ATRN: variants seen among roughly 807,000 people sequenced by gnomAD.
ATRN encodes attractin.
ATRN carries 54 observed loss-of-function variants against 178.7 expected under a neutral mutation model. That is an observed-to-expected ratio of 0.30 (90% CI 0.24 to 0.38). The LOEUF is 0.38. Ranked by LOEUF, ATRN falls within the 10% of genes least tolerant of loss-of-function variation. The pLI, the probability that ATRN is intolerant of heterozygous loss-of-function variation, is 1.00. For missense variants in ATRN, 1,443 were observed against 1,815.1 expected (o/e 0.79, Z 3.73); for synonymous variants, 636 against 663.0 (o/e 0.96, Z 0.63).
At chr20:3,547,986 C>A (rs2085733074) in intron 5 of ATRN, among the ~76,000 whole-genome samples, 1 of 152,130 alleles carries the variant, frequency 6.6e-6, no homozygotes, top group Non-Finnish European at 1.5e-5. Flanking sequence ...AAACTTACCC[C>A]TTCCTCAGAA....
rs533551335 is a variant in ATRN, at chr20:3,598,572, A to G, written c.3564+572A>G. On this transcript the variant is annotated intron_variant, in intron 22 of 28. Transcript: ENST00000262919. ...AATAATTTAAATTGTTAAAATATGTATGTAAAATGTGGATTTTTTTATCTG... is the reference window on the plus strand; with the variant it reads ...AATAATTTAAATTGTTAAAATATGTGTGTAAAATGTGGATTTTTTTATCTG... Among the ~76,000 whole-genome samples the G allele has an allele frequency of 2.5e-3, 387 of 152,364 alleles. 1 individual carries two copies. The highest frequency in any genetic ancestry group is 4.2e-3 in the Non-Finnish European group (289 of 68,040).
intron 24 of ATRN, among the ~76,000 whole-genome samples, chr20:3,609,324 T>C (rs2086727373): frequency 1.3e-5 from 2 of 152,248 alleles, no homozygotes; most frequent in Non-Finnish European, 2.9e-5. Context: ...TCTTGATTTC[T>C]TCTTTTGCTA....
In ATRN at chr20:3,525,746, A is replaced by G. The variant is rs561946764; in HGVS notation, c.411-9507A>G. ...CCCTGGGATGCAAGATGGGTTCAAC[A>G]TAACGGAAATCAATAAACGTAATCC... On this transcript the variant is annotated intron_variant, in intron 1 of 28. Coordinates refer to ENST00000262919, the MANE Select transcript of ATRN (RefSeq NM_139321.3). Among the ~76,000 whole-genome samples the G allele has an allele frequency of 2.0e-5, 3 of 152,376 alleles. No homozygotes were observed. In the South Asian group the frequency reaches 6.2e-4, roughly 32 times the overall value.
intron 28 of ATRN, 114 bp downstream of exon 28, chr20:3,644,382 GC>G (rs2087091786): frequency 1.2e-6 from 1 of 861,532 alleles, no homozygotes; most frequent in Non-Finnish European, 1.8e-6. Context: ...AACAGTGCCT[GC>G]CCATGCCATG....
intron 24 of ATRN, among the ~76,000 whole-genome samples, chr20:3,606,572 T>G (rs1231647067): frequency 1.3e-5 from 2 of 152,194 alleles, no homozygotes; most frequent in African/African-American, 2.4e-5. Flanking sequence ...TCGGTGCATA[T>G]TCCTTCTTGT....
Position 3,471,489 on chromosome 20 carries a change from C to T in ATRN, c.382C>T (p.Gln128Ter). 7.1e-7 allele frequency: 1 copy of T among 1,409,176 alleles called. No homozygotes were observed. The highest frequency in any genetic ancestry group is 9.2e-7 in the Non-Finnish European group (1 of 1,090,496). The allele number at this position is 1,409,176 out of a possible 1,614,324, so 87.3% of individuals were successfully genotyped here. ...CTGCCCCGCCGGCTGGGTGGGCGAG[C>T]AATGCCAGCACTGCGGGGGCCGCTT... ...CVCPAGWVGEQCQHCGGRFRL... is the reference protein window; with the variant it reads ...CVCPAGWVGE Residue 128 changes from glutamine (Q) to a stop codon, truncating the protein, a stop_gained, in exon 1 of 29, where the codon CAA (glutamine) becomes TAA (stop). Transcript: ENST00000262919. LOFTEE classifies it high-confidence loss of function.
intron 8 of ATRN, among the ~76,000 whole-genome samples, chr20:3,561,456 G>A (rs767245425): frequency 1.3e-5 from 2 of 152,136 alleles, no homozygotes; most frequent in Admixed American, 6.5e-5. Context: ...CAAAGATGAC[G>A]CAAAGTGCTT....
chr20:3,489,661 A>AC, intron 1 of ATRN: 1 of 1,531,526 alleles, frequency 6.5e-7, no homozygotes, highest in East Asian at 2.3e-5. Flanking sequence ...AATTTGGCCC[A>AC]CAAGGAGACA....
intron 3 of ATRN, among the ~76,000 whole-genome samples, chr20:3,543,024 A>G (rs1053252346): frequency 1.3e-5 from 2 of 152,140 alleles, no homozygotes; most frequent in Admixed American, 6.5e-5. Context: ...ATTCTGGTGT[A>G]TATAACCAGT....
chr20:3,637,654 A>T (rs1006835483), intron 26 of ATRN, among the ~76,000 whole-genome samples: 1 of 152,128 alleles, frequency 6.6e-6, no homozygotes, highest in Non-Finnish European at 1.5e-5. Context: ...CCTTAATGAT[A>T]TGTGAACGGC....
intron 15 of ATRN, among the ~76,000 whole-genome samples, chr20:3,581,123 A>G (rs1291324969): frequency 6.6e-6 from 1 of 152,050 alleles, no homozygotes; most frequent in Non-Finnish European, 1.5e-5. Flanking sequence ...ATGGTGGCAC[A>G]TACTTGTAGT....
intron 2 of ATRN, among the ~76,000 whole-genome samples, chr20:3,537,456 T>C (rs2085552096): frequency 1.3e-5 from 2 of 151,964 alleles, no homozygotes; most frequent in African/African-American, 4.8e-5. Flanking sequence ...GTGCTTCTAT[T>C]AAGCAAAAGA....
chr20:3,546,110 G>A (rs2085697157), intron 4 of ATRN, among the ~76,000 whole-genome samples: 1 of 152,162 alleles, frequency 6.6e-6, no homozygotes, highest in East Asian at 1.9e-4. Flanking sequence ...TTAGTAGATT[G>A]TCAAAGTAAC....
intron 1 of ATRN, among the ~76,000 whole-genome samples, chr20:3,507,753 C>T (rs919892627): frequency 2.8e-5 from 4 of 141,086 alleles, no homozygotes; most frequent in Non-Finnish European, 6.0e-5. Flanking sequence ...GGCTGGATCT[C>T]GGCTCACTGC....
At chr20:3,619,603 G>C (rs1466172524) in intron 24 of ATRN, among the ~76,000 whole-genome samples, 1 of 152,144 alleles carries the variant, frequency 6.6e-6, no homozygotes, top group African/African-American at 2.4e-5. Context: ...TTTTAAAATG[G>C]AAAGCATTTG....
rs575069401 is a variant in ATRN at position 3,493,055 on chromosome 20, T to G, written c.410+21538T>G. ...TATATAAAATATATAATTATATATG[T>G]ATTATAGATTATATATTATATATAA... On this transcript the variant is annotated intron_variant, in intron 1 of 28. Coordinates refer to ENST00000262919, the MANE Select transcript of ATRN (RefSeq NM_139321.3). Among the ~76,000 whole-genome samples, 359 of 146,738 alleles carry G rather than the reference T, an allele frequency of 2.4e-3. 1 individual carries two copies. The highest frequency in any genetic ancestry group is 8.6e-3 in the African/African-American group (347 of 40,458).
intron 14 of ATRN, 55 bp downstream of exon 14, chr20:3,577,052 C>A (rs1478247117): frequency 6.3e-7 from 1 of 1,593,314 alleles, no homozygotes; most frequent in Admixed American, 1.7e-5. Flanking sequence ...CAGCCTGCTT[C>A]CCCCAACACT....
Position 3,471,400 on chromosome 20 carries a change from C to A in ATRN, c.293C>A (p.Ala98Asp). 6.7e-7 allele frequency: 1 copy of A among 1,488,988 alleles called. No homozygotes were observed. Among genetic ancestry groups the A allele is most frequent in the Non-Finnish European group, 8.9e-7 (1 of 1,127,710 alleles). The allele number at this position is 1,488,988 out of a possible 1,614,324, so 92.2% of individuals were successfully genotyped here. A position where few individuals can be genotyped will look rare whatever the true frequency, so the allele number is the denominator to read the frequency against. The change falls in exon 1 of 29, where the codon GCC becomes GAC. Residue 98 changes from alanine to aspartate, a missense_variant. Coordinates refer to ENST00000262919, the MANE Select transcript of ATRN (RefSeq NM_139321.3). ...GTGTCGGGCTCAGCCGCAGCCGAGG[C>A]CAAGGAATGTGACCGGCCCTGTGTC... ...AAVSGSAAAE[A>D]KECDRPCVNG...
Position 3,492,168 on chromosome 20 carries a change from A to AGTGTGTGTGTGTGTGT in ATRN, c.410+20672_410+20687dup, listed in dbSNP as rs58489496. Among the ~76,000 whole-genome samples, 104 of 140,692 alleles carry AGTGTGTGTGTGTGTGT rather than the reference A, an allele frequency of 7.4e-4. 1 individual carries two copies. The highest frequency in any genetic ancestry group is 9.4e-4 in the Non-Finnish European group (62 of 65,670). 92.3% of individuals were successfully genotyped at this position (140,692 alleles called of 152,430 possible). A position where few individuals can be genotyped will look rare whatever the true frequency, so the allele number is the denominator to read the frequency against. ...GTTGAGAGCATATTCTAGATAGGGG[A>AGTGTGTGTGTGTGTGT]GTGTGTGTGTGTGTGTGTGTGTGTG... is the stretch of plus-strand genomic sequence containing the variant. On this transcript the variant is annotated intron_variant, in intron 1 of 28. Coordinates refer to ENST00000262919, the MANE Select transcript of ATRN (RefSeq NM_139321.3).
Sources: allele counts gnomAD v4.1 joint callset (sites outside exome capture counted in the v4.1 genomes callset), GRCh38; gene constraint gnomAD v4.1.1; transcripts MANE v1.5; gene names NCBI Gene and HGNC (gene_info 2026-07-23, HGNC 2026-07-21).